The following NSMF variants were observed in gnomAD, a reference collection of about 807,000 sequenced individuals.
NSMF encodes NMDA receptor synaptonuclear signaling and neuronal migration factor, also known as nasal embryonic LHRH factor.
In NSMF, 31 loss-of-function variants were observed where a neutral mutation model predicts 71.0. The observed-to-expected ratio is 0.44, with a 90% confidence interval of 0.33 to 0.59. NSMF has a LOEUF of 0.59. Ranked by LOEUF, NSMF falls within the 20% of genes least tolerant of loss-of-function variation. NSMF has a pLI of 0.04. For synonymous variants in NSMF, 345 were observed against 287.1 expected (o/e 1.20, Z -2.04); for missense variants, 673 against 740.5 (o/e 0.91, Z 1.06).
chr9:137,449,668 G>C lies in NSMF; in HGVS notation c.1426C>G (p.Gln476Glu). Residue 476 changes from glutamine to glutamate, a missense_variant, in exon 15 of 16, where the codon CAG (glutamine) becomes GAG (glutamate). Physicochemically the swap from Gln to Glu is conservative, Grantham distance 29. Around this residue, in one of 2 missense-constraint regions of NSMF, gnomAD observed 202 missense variants for 280.8 expected, o/e 0.72. Transcript: ENST00000371475. The stretch of plus-strand genomic sequence containing the variant: ...GGAGTCATGAGGGTCCTGAGGTTCT[G>C]GAACAGCTGGAGGAAGCGGGGTGCC... The part of the protein sequence containing the change: ...LGNPNGEKLF[Q>E]NLRTLMTPYR... The C allele has an allele frequency of 1.2e-6, 2 of 1,612,358 alleles. No homozygotes were observed. The highest frequency in any genetic ancestry group is 1.3e-5 in the African/African-American group (1 of 75,014).
rs930592834 is a variant in NSMF, at chr9:137,447,870, T to C, written c.*1524A>G. The C allele has an allele frequency of 3.3e-5, 5 of 151,828 alleles. No individual in the cohort carries two copies. Among genetic ancestry groups the C allele is most frequent in the Admixed American group, 1.3e-4 (2 of 15,256 alleles). 9.4% of individuals were successfully genotyped at this position (151,828 alleles called of 1,614,324 possible). A position where few individuals can be genotyped will look rare whatever the true frequency, so the allele number is the denominator to read the frequency against. ...CTGAGGACACCTGAGGTTGAGAGAG[T>C]GGCCCCCATCTGTGGCCACACTGCT... On this transcript the variant is annotated 3_prime_UTR_variant, in exon 16 of 16. Coordinates refer to ENST00000371475, the MANE Select transcript of NSMF (RefSeq NM_001130969.3).
chr9:137,456,448 G>T lies in NSMF; in HGVS notation c.667C>A (p.Leu223Ile), dbSNP rs1252794609. 5.0e-6 allele frequency: 8 copies of T among 1,613,302 alleles called. No individual in the cohort carries two copies. Among genetic ancestry groups the T allele is most frequent in the Non-Finnish European group, 6.8e-6 (8 of 1,179,854 alleles). The stretch of plus-strand genomic sequence containing the variant: ...GTGGTTGCTGTCTGGAAGCTGAAAA[G>T]ATTTTCCTTGGGGAACCAGGTACGA... Reference protein sequence around the residue: ...PIRTWFPKENLFSFQTATTTM... With the variant: ...PIRTWFPKENIFSFQTATTTM... The change falls in exon 4 of 16, where the codon CTT (leucine) becomes ATT (isoleucine). Residue 223 changes from leucine to isoleucine, a missense_variant. By Grantham distance (5) the Leu-to-Ile change is conservative. Transcript: ENST00000371475.
In NSMF at chr9:137,457,626, G is replaced by C. The variant is rs769581102; in HGVS notation, c.409C>G (p.Gln137Glu). ...RRQRHPHHHSQPLRASPGGSR... is the reference protein window; with the variant it reads ...RRQRHPHHHSEPLRASPGGSR... ...CCACCAGGGCTGGCGCGCAGGGGCTGGCTGTGATGGTGAGGGTGCCGCTGC... is the reference window on the plus strand; with the variant it reads ...CCACCAGGGCTGGCGCGCAGGGGCTCGCTGTGATGGTGAGGGTGCCGCTGC... The change falls in exon 3 of 16, where the codon CAG (glutamine) becomes GAG (glutamate). Residue 137 changes from glutamine to glutamate, a missense_variant. Physicochemically the swap from Gln to Glu is conservative, Grantham distance 29. This residue lies in a region of NSMF where 471 missense variants were observed against 459.6 expected (regional missense o/e 1.02). Coordinates refer to ENST00000371475, the MANE Select transcript of NSMF (RefSeq NM_001130969.3). 1.9e-6 allele frequency: 3 copies of C among 1,550,518 alleles called. No individual in the cohort carries two copies. Among genetic ancestry groups the C allele is most frequent in the Non-Finnish European group, 2.6e-6 (3 of 1,146,976 alleles).
intron 2 of NSMF, among the ~76,000 whole-genome samples, chr9:137,458,138 T>A (rs1830946089): frequency 6.6e-6 from 1 of 151,998 alleles, no homozygotes; most frequent in Admixed American, 6.6e-5. Flanking sequence ...TCCTGCCGGG[T>A]AGGAACACGC....
intron 6 of NSMF, chr9:137,454,682 G>C (rs933022065): frequency 3.9e-6 from 6 of 1,523,944 alleles, no homozygotes; most frequent in African/African-American, 2.7e-5. Flanking sequence ...CTGGCGCTCT[G>C]GATCAAGTCT....
rs754993961 is a variant in NSMF, at chr9:137,458,584, G to A, written c.72-35C>T. The A allele has an allele frequency of 5.8e-6, 9 of 1,560,032 alleles. No homozygotes were observed. The East Asian group carries it at 7.2e-5, about 12-fold the overall frequency. On this transcript the variant is annotated intron_variant, in intron 1 of 15. Coordinates refer to ENST00000371475, the MANE Select transcript of NSMF (RefSeq NM_001130969.3). ...GACAGAGGGCACGGTCAGAGGCCAC[G>A]GCACGACCCTCCCAAACACCGGGCC...
chr9:137,452,841 C>T, intron 9 of NSMF, 22 bp from the exon 10 acceptor site: 4 of 1,584,722 alleles, frequency 2.5e-6, no homozygotes, highest in Non-Finnish European at 3.4e-6. Flanking sequence ...AAGAGCTGCT[C>T]AGGGGCCCCA....
rs535770537 is a variant in NSMF, at chr9:137,448,960, GTGGGCTGC to G, written c.*426_*433del. 420 of 320,744 alleles carry G rather than the reference GTGGGCTGC, an allele frequency of 1.3e-3. 4 individuals carry two copies. The highest frequency in any genetic ancestry group is 8.8e-3 in the Admixed American group (197 of 22,302). 19.9% of individuals were successfully genotyped at this position (320,744 alleles called of 1,614,324 possible). ...TGGGCAGGGAGGGTCCTGAACACAT[GTGGGCTGC>G]TGGGCTGCTGGGCCGGGGTGCCTAC... is the stretch of plus-strand genomic sequence containing the variant. On this transcript the variant is annotated 3_prime_UTR_variant, in exon 16 of 16. Transcript: ENST00000371475. The surrounding 1 kb of genome is among the most constrained non-coding windows in gnomAD (Gnocchi z 5.3).
In NSMF at chr9:137,448,060, C is replaced by T. The variant is rs1839690709; in HGVS notation, c.*1334G>A. ...TCCTGCAGCTCCTCTCCGTCCCCTC[C>T]TGTGCTGGTCCCCCTGGCTATGCCC... On this transcript the variant is annotated 3_prime_UTR_variant, in exon 16 of 16. Coordinates refer to ENST00000371475, the MANE Select transcript of NSMF (RefSeq NM_001130969.3). This position sits in a 1 kb window ranked among gnomAD's most constrained non-coding sequence, Gnocchi z 5.3. 6.6e-6 allele frequency: 1 copy of T among 152,628 alleles called. No individual in the cohort carries two copies. The highest frequency in any genetic ancestry group is 6.5e-5 in the Admixed American group (1 of 15,272). The allele number at this position is 152,628 out of a possible 1,614,324, so 9.5% of individuals were successfully genotyped here.
At position 137,455,067 on chromosome 9, in the gene NSMF, T is replaced by C. The variant is rs1332356002; in HGVS notation, c.779+172A>G. On this transcript the variant is annotated intron_variant, in intron 6 of 15. Transcript: ENST00000371475. ...GTGCAGGACTGAGGGTGAGATGCTT[T>C]CCTGCAGCCCGGGCCACATGGCCTC... is the stretch of plus-strand genomic sequence containing the variant. 3 of 783,500 alleles carry C rather than the reference T, an allele frequency of 3.8e-6. No homozygotes were observed. In the East Asian group the frequency reaches 7.9e-5, roughly 21 times the overall value. 48.5% of individuals were successfully genotyped at this position (783,500 alleles called of 1,614,324 possible). A position where few individuals can be genotyped will look rare whatever the true frequency, so the allele number is the denominator to read the frequency against.
rs757612243 is a variant in NSMF at position 137,449,909 on chromosome 9, G to A, written c.1419+14C>T. 8 of 1,600,930 alleles carry A rather than the reference G, an allele frequency of 5.0e-6. No homozygotes were observed. The highest frequency in any genetic ancestry group is 6.8e-6 in the Non-Finnish European group (8 of 1,168,994). On this transcript the variant is annotated intron_variant, in intron 14 of 15. Transcript: ENST00000371475. ...TTTCCAGAGGTCTGGGGTGGGGCTT[G>A]GGGGTCACTGTACCTTCTCTCCATT...
rs1424491782 is a variant in NSMF at position 137,452,357 on chromosome 9, A to C, written c.1236+8T>G. ...TCTCCTGGTCAGGAGACGAGCACTG[A>C]GCCCCACCTGGCAGAAAATCAGCAT... is the stretch of plus-strand genomic sequence containing the variant. On this transcript the variant is annotated splice_region_variant and intron_variant, in intron 12 of 15. Coordinates refer to ENST00000371475, the MANE Select transcript of NSMF (RefSeq NM_001130969.3). 1.9e-6 allele frequency: 3 copies of C among 1,609,554 alleles called. No homozygotes were observed. Among genetic ancestry groups the C allele is most frequent in the Non-Finnish European group, 2.5e-6 (3 of 1,179,350 alleles).
rs1334641435 is a variant in NSMF, at chr9:137,453,748, G to A, written c.905C>T (p.Ser302Phe). The change falls in exon 8 of 16, where the codon TCC becomes TTC. Residue 302 changes from serine to phenylalanine, a missense_variant. By Grantham distance (155) the Ser-to-Phe change is radical. This residue lies in a region of NSMF where 471 missense variants were observed against 459.6 expected (regional missense o/e 1.02). Transcript: ENST00000371475. This position sits in a 1 kb window ranked among gnomAD's most constrained non-coding sequence, Gnocchi z 4.5. The stretch of plus-strand genomic sequence containing the variant: ...GCACCTACTGTCTCGGGAGTCGTGG[G>A]AAGTGTCGGCTTTCATGGGGGTGGG... ...SDPTPMKADT[S>F]HDSRDSSDLQ... 4 of 1,602,498 alleles carry A rather than the reference G, an allele frequency of 2.5e-6. No individual in the cohort carries two copies. The South Asian group carries it at 4.4e-5, about 18-fold the overall frequency.
chr9:137,455,129 G>T, intron 6 of NSMF, 110 bp downstream of exon 6: 1 of 1,203,266 alleles, frequency 8.3e-7, no homozygotes, highest in Non-Finnish European at 1.2e-6. Context: ...GGCCAGGCCA[G>T]TGGTCGCCAC....
intron 15 of NSMF, 33 bp from the exon 16 acceptor site, chr9:137,449,524 G>A (rs1839793232): frequency 3.1e-6 from 5 of 1,611,446 alleles, no homozygotes; most frequent in Non-Finnish European, 4.2e-6. Flanking sequence ...GCTCAGGCCT[G>A]GCCGGCCCTG....
chr9:137,449,759 C>G, intron 14 of NSMF, 85 bp from the exon 15 acceptor site: 1 of 1,373,404 alleles, frequency 7.3e-7, no homozygotes. Context: ...GGCCCACCCT[C>G]TTTTTTCAGA....
chr9:137,457,826 C>T lies in NSMF; in HGVS notation c.209G>A (p.Arg70His), dbSNP rs772416207. ...GCAGCCGTTGGAGACGAGGGACAGG[C>T]GGCGCTTGTTCTGGGGGGCCGGCTG... ...EMQPAPQNKR[R>H]LSLVSNGCYE... Residue 70 changes from arginine (R) to histidine (H), a missense_variant, in exon 3 of 16, where the codon CGC becomes CAC. Arg to His is a conservative substitution (Grantham distance 29, BLOSUM62 0). Transcript: ENST00000371475. 1.9e-5 allele frequency: 29 copies of T among 1,556,152 alleles called. No individual in the cohort carries two copies. The highest frequency in any genetic ancestry group is 2.7e-5 in the African/African-American group (2 of 73,674).
rs1384701847 is a variant in NSMF, at chr9:137,450,005, C to T, written c.1337G>A (p.Arg446His). The T allele has an allele frequency of 1.1e-5, 17 of 1,612,868 alleles. No individual in the cohort carries two copies. Among genetic ancestry groups the T allele is most frequent in the African/African-American group, 6.7e-5 (5 of 74,904 alleles). ...CTCTGGGTTCACTTTGCTCATCAGG[C>T]GGCTCAGCCGCTTCCAGAAGCTGGT... ...DMIHFWKRLSRLMSKVNPEPN... is the reference protein window; with the variant it reads ...DMIHFWKRLSHLMSKVNPEPN... Residue 446 changes from arginine to histidine, a missense_variant, in exon 14 of 16, where the codon CGC becomes CAC. Transcript: ENST00000371475.
chr9:137,458,584 G>C (rs754993961), intron 1 of NSMF, 35 bp from the exon 2 acceptor site: 2 of 1,560,034 alleles, frequency 1.3e-6, no homozygotes. Flanking sequence ...CAGAGGCCAC[G>C]GCACGACCCT....
Sources: allele counts gnomAD v4.1 joint callset (sites outside exome capture counted in the v4.1 genomes callset), GRCh38; gene constraint gnomAD v4.1.1; regional missense constraint gnomAD v4.1.1; non-coding constraint Gnocchi (gnomAD v3.1); transcripts MANE v1.5; gene names NCBI Gene and HGNC (gene_info 2026-07-23, HGNC 2026-07-21).